Variants in CHST11 observed in about 807,000 individuals in gnomAD.
The protein encoded by CHST11 is carbohydrate sulfotransferase 11, also known as C4S-1.
In CHST11, 9 loss-of-function variants were observed where a neutral mutation model predicts 30.4. That is an observed-to-expected ratio of 0.30 (90% confidence interval 0.18 to 0.52). The LOEUF (loss-of-function observed/expected upper bound fraction) is 0.52. Ranked by LOEUF, CHST11 falls within the 20% of genes least tolerant of loss-of-function variation. The probability of loss-of-function intolerance (pLI) is 0.97; values close to 1 mark genes in which losing one functional copy is unlikely to be tolerated. For synonymous variants in CHST11, 152 were observed against 187.8 expected (o/e 0.81, Z 1.56); for missense variants, 348 against 460.6 (o/e 0.76, Z 2.24).
At chr12:104,522,837 T>C (rs1323747481) in intron 1 of CHST11, among the ~76,000 whole-genome samples, 1 of 152,136 alleles carries the variant, frequency 6.6e-6, no homozygotes, top group Non-Finnish European at 1.5e-5. Flanking sequence ...TCAGCCACAT[T>C]TGGGGACCTC....
chr12:104,494,659 T>G (rs1199521284), intron 1 of CHST11, among the ~76,000 whole-genome samples: 1 of 152,198 alleles, frequency 6.6e-6, no homozygotes, highest in East Asian at 1.9e-4. Flanking sequence ...GCTCTGTAAG[T>G]CACCACGAAT....
At chr12:104,647,367 G>A (rs1373163784) in intron 2 of CHST11, among the ~76,000 whole-genome samples, 2 of 152,096 alleles carry the variant, frequency 1.3e-5, no homozygotes, top group Admixed American at 1.3e-4. Context: ...TTTAAAAAAT[G>A]CCAGGAAATC....
intron 2 of CHST11, among the ~76,000 whole-genome samples, chr12:104,710,403 G>A (rs2040077276): frequency 6.6e-6 from 1 of 152,094 alleles, no homozygotes; most frequent in Non-Finnish European, 1.5e-5. Context: ...GCACTTCCGT[G>A]GGCTCTCTGG....
chr12:104,671,212 T>G (rs2039693770), intron 2 of CHST11, among the ~76,000 whole-genome samples: 2 of 152,214 alleles, frequency 1.3e-5, no homozygotes, highest in East Asian at 3.8e-4. Context: ...GCAAAGCCTC[T>G]TGTGATCTCC....
At chr12:104,590,636 G>A (rs1235778339) in intron 1 of CHST11, among the ~76,000 whole-genome samples, 2 of 152,192 alleles carry the variant, frequency 1.3e-5, no homozygotes, top group African/African-American at 4.8e-5. Flanking sequence ...AGAAGCATAT[G>A]GCAGGCGGGG....
At chr12:104,560,417 G>T (rs562981532) in intron 1 of CHST11, among the ~76,000 whole-genome samples, 6 of 152,106 alleles carry the variant, frequency 3.9e-5, no homozygotes, top group Non-Finnish European at 5.9e-5. Flanking sequence ...GCCATGGGGG[G>T]GTTCATGGTA....
Position 104,513,511 on chromosome 12 carries a change from A to G in CHST11, c.118+55982A>G, listed in dbSNP as rs78031610. 8.1e-3 allele frequency among the ~76,000 whole-genome samples: 1,231 copies of G among 152,288 alleles called. 27 individuals are homozygous for G. Among genetic ancestry groups the G allele is most frequent in the African/African-American group, 0.028 (1,172 of 41,556 alleles). Reference sequence around the variant, plus strand: ...TTTGTGTGTTTATTATGAAGCCTTCATCTTTAAGATTCTCGTTTGCAATCC... The same window carrying G: ...TTTGTGTGTTTATTATGAAGCCTTCGTCTTTAAGATTCTCGTTTGCAATCC... On this transcript the variant is annotated intron_variant, in intron 1 of 2. Transcript: ENST00000303694.
intron 1 of CHST11, among the ~76,000 whole-genome samples, chr12:104,570,053 T>A (rs1243720474): frequency 6.6e-6 from 1 of 151,890 alleles, no homozygotes; most frequent in Non-Finnish European, 1.5e-5. Flanking sequence ...TATCCTGGGG[T>A]TTGATCTCTC....
intron 1 of CHST11, among the ~76,000 whole-genome samples, chr12:104,581,953 G>C (rs1201745672): frequency 1.3e-5 from 2 of 152,206 alleles, no homozygotes; most frequent in Admixed American, 6.5e-5. Context: ...AGGAGTTTGG[G>C]CTTTGAGATG....
intron 2 of CHST11, among the ~76,000 whole-genome samples, chr12:104,705,401 G>A (rs752243642): frequency 5.9e-5 from 9 of 152,168 alleles, no homozygotes; most frequent in Non-Finnish European, 1.2e-4. Flanking sequence ...TCGCAGGTAT[G>A]TAAAGGGCTC....
chr12:104,517,370 A>G (rs2038034316), intron 1 of CHST11, among the ~76,000 whole-genome samples: 3 of 152,152 alleles, frequency 2.0e-5, no homozygotes, highest in Non-Finnish European at 4.4e-5. Flanking sequence ...GCCTCATTTT[A>G]TGGTCATCAG....
chr12:104,468,807 C>T (rs148585222), intron 1 of CHST11, among the ~76,000 whole-genome samples: 105 of 152,252 alleles, frequency 6.9e-4, no homozygotes, highest in Non-Finnish European at 1.3e-3. Flanking sequence ...ATTTGGTCCC[C>T]TCATTTGCCA....
rs545203646 is a variant in CHST11, at chr12:104,582,742, G to A, written c.119-19164G>A. ...CTGTATGATAGAAATAATACATCTC[G>A]GGATGGTAGTGAGGAAGGGAGGGTT... On this transcript the variant is annotated intron_variant, in intron 1 of 2. Coordinates refer to ENST00000303694, the MANE Select transcript of CHST11 (RefSeq NM_018413.6). Among the ~76,000 whole-genome samples, 6 of 151,960 alleles carry A rather than the reference G, an allele frequency of 3.9e-5. No individual in the cohort carries two copies. In the South Asian group the frequency reaches 8.3e-4, roughly 21 times the overall value.
chr12:104,615,227 A>G (rs1422884918), intron 2 of CHST11, among the ~76,000 whole-genome samples: 1 of 152,222 alleles, frequency 6.6e-6, no homozygotes, highest in African/African-American at 2.4e-5. Flanking sequence ...ATCTTAAATC[A>G]GGGACTTGAA....
At chr12:104,623,987 G>T (rs1463469620) in intron 2 of CHST11, among the ~76,000 whole-genome samples, 1 of 152,106 alleles carries the variant, frequency 6.6e-6, no homozygotes, top group Non-Finnish European at 1.5e-5. Flanking sequence ...ATGAATGGGG[G>T]CTCCTGAGAA....
intron 2 of CHST11, among the ~76,000 whole-genome samples, chr12:104,652,582 G>C (rs1286553030): frequency 6.6e-6 from 1 of 152,232 alleles, no homozygotes; most frequent in East Asian, 1.9e-4. Flanking sequence ...TTTTATTGCA[G>C]CTGTATTTAC....
intron 2 of CHST11, among the ~76,000 whole-genome samples, chr12:104,608,990 A>G (rs906023674): frequency 2.6e-5 from 4 of 152,252 alleles, no homozygotes; most frequent in Non-Finnish European, 4.4e-5. Flanking sequence ...GCTCCAGGCC[A>G]GGCGTCAGAT....
intron 1 of CHST11, among the ~76,000 whole-genome samples, chr12:104,585,874 C>T (rs2038799773): frequency 6.6e-6 from 1 of 152,146 alleles, no homozygotes; most frequent in Admixed American, 6.5e-5. Flanking sequence ...ATGTCCTGGC[C>T]TGTAGCTGCA....
chr12:104,634,681 G>A (rs1200191857), intron 2 of CHST11, among the ~76,000 whole-genome samples: 1 of 152,186 alleles, frequency 6.6e-6, no homozygotes, highest in African/African-American at 2.4e-5. Context: ...TTGCCCTGAG[G>A]CACCTCTTCT....
Sources: allele counts gnomAD v4.1 joint callset (sites outside exome capture counted in the v4.1 genomes callset), GRCh38; gene constraint gnomAD v4.1.1; transcripts MANE v1.5; gene names NCBI Gene and HGNC (gene_info 2026-07-23, HGNC 2026-07-21).